Variants in CAP2 observed in about 807,000 individuals in gnomAD.
The protein encoded by CAP2 is adenylyl cyclase-associated protein 2.
CAP2 carries 24 observed loss-of-function variants against 57.7 expected under a neutral mutation model. The observed-to-expected ratio is 0.42, with a 90% CI of 0.30 to 0.58. CAP2 has a LOEUF of 0.58. Among genes scored for constraint, CAP2 ranks in the 20% least tolerant of loss-of-function variants. The pLI, the probability that CAP2 is intolerant of heterozygous loss-of-function variation, is 0.22. For missense variants in CAP2, 501 were observed against 590.3 expected, an observed-to-expected ratio of 0.85 and a Z score of 1.57; for synonymous variants, 194 against 207.2, an observed-to-expected ratio of 0.94 and a Z score of 0.55.
intron 4 of CAP2, among the ~76,000 whole-genome samples, chr6:17,474,856 G>A (rs1001724115): frequency 3.9e-5 from 6 of 152,102 alleles, no homozygotes; most frequent in East Asian, 1.9e-4. Context: ...CAAGTTTGAT[G>A]AGAAGAGAGG....
chr6:17,399,031 T>A (rs187149857), intron 1 of CAP2, among the ~76,000 whole-genome samples: 78 of 152,284 alleles, frequency 5.1e-4, no homozygotes, highest in Admixed American at 1.2e-3. Context: ...CTATTCTAAG[T>A]ACCTTATACA....
chr6:17,434,499 G>A (rs1466107787), intron 3 of CAP2, among the ~76,000 whole-genome samples: 3 of 152,140 alleles, frequency 2.0e-5, no homozygotes, highest in Admixed American at 6.5e-5. Flanking sequence ...AAAGTGCTGG[G>A]ATTACAGGCG....
At chr6:17,421,492 G>A in intron 1 of CAP2, 63 bp from the exon 2 acceptor site, 1 of 1,568,112 alleles carries the variant, frequency 6.4e-7, no homozygotes, top group Non-Finnish European at 8.8e-7. Context: ...GAGACTGATG[G>A]TGTTGGTTTA....
chr6:17,503,587 A>G (rs987385856), intron 4 of CAP2, among the ~76,000 whole-genome samples: 5 of 148,862 alleles, frequency 3.4e-5, no homozygotes, highest in African/African-American at 1.3e-4. Flanking sequence ...CTAGGCGACA[A>G]GAGCAAAACT....
chr6:17,400,864 CAAA>C (rs11323666), intron 1 of CAP2, among the ~76,000 whole-genome samples: 10 of 104,196 alleles, frequency 9.6e-5, no homozygotes, highest in African/African-American at 9.3e-5. Flanking sequence ...GACTCCGTCT[CAAA>C]AAAAAAAAAA....
chr6:17,508,987 C>T (rs992806876), intron 6 of CAP2, among the ~76,000 whole-genome samples: 26 of 152,124 alleles, frequency 1.7e-4, no homozygotes, highest in African/African-American at 6.0e-4. Flanking sequence ...AATCTCTTGA[C>T]CTCGTGATCC....
At chr6:17,543,961 T>C (rs1019380555) in intron 11 of CAP2, among the ~76,000 whole-genome samples, 2 of 151,700 alleles carry the variant, frequency 1.3e-5, no homozygotes, top group African/African-American at 4.8e-5. Context: ...CCTGTCTATA[T>C]TGAAAACACA....
In CAP2 at chr6:17,529,062, AT is replaced by A. The variant is rs1056931825; in HGVS notation, c.637-10200del. ...GAGACCCCATCTCTACAAAAAAAAA[AT>A]TTTTTTAATTCCAATAAATGATAAA... On this transcript the variant is annotated intron_variant, in intron 7 of 12. Transcript: ENST00000229922. Among the ~76,000 whole-genome samples the A allele has an allele frequency of 6.2e-5, 9 of 144,308 alleles. No individual in the cohort carries two copies. The South Asian group carries it at 1.1e-3, about 18-fold the overall frequency. 94.7% of individuals were successfully genotyped at this position (144,308 alleles called of 152,430 possible).
intron 4 of CAP2, among the ~76,000 whole-genome samples, chr6:17,496,030 G>GGGGGGT (rs1761659552): frequency 4.9e-5 from 2 of 41,182 alleles, no homozygotes; most frequent in African/African-American, 1.3e-4. Context: ...GTGTGGGTGG[G>GGGGGGT]GGGGGGGGGT....
chr6:17,478,507 C>T (rs187394969), intron 4 of CAP2, among the ~76,000 whole-genome samples: 15 of 152,072 alleles, frequency 9.9e-5, no homozygotes, highest in Non-Finnish European at 1.2e-4. Flanking sequence ...TATCCCTTTT[C>T]GTGTTGTTGT....
intron 3 of CAP2, among the ~76,000 whole-genome samples, chr6:17,458,357 A>G (rs1455180617): frequency 6.6e-6 from 1 of 152,238 alleles, no homozygotes; most frequent in Admixed American, 6.5e-5. Context: ...CAAGAGACTT[A>G]TATCTGTTGT....
intron 1 of CAP2, among the ~76,000 whole-genome samples, chr6:17,420,078 G>T (rs1581502249): frequency 6.6e-6 from 1 of 151,808 alleles, no homozygotes; most frequent in African/African-American, 2.4e-5. Flanking sequence ...CACCATGTAG[G>T]CCAGGCTGGT....
At chr6:17,551,676 A>G in intron 12 of CAP2, 72 bp downstream of exon 12, 6 of 1,178,338 alleles carry the variant, frequency 5.1e-6, no homozygotes, top group Non-Finnish European at 6.0e-6. Flanking sequence ...GAGATTGATT[A>G]ATCAGCTACC....
At chr6:17,446,899 A>G (rs1481281865) in intron 3 of CAP2, among the ~76,000 whole-genome samples, 1 of 152,222 alleles carries the variant, frequency 6.6e-6, no homozygotes, top group African/African-American at 2.4e-5. Flanking sequence ...CTGCCTGGGA[A>G]TCCACGGGGA....
intron 3 of CAP2, among the ~76,000 whole-genome samples, chr6:17,451,125 T>C (rs906375292): frequency 1.4e-4 from 22 of 152,034 alleles, no homozygotes; most frequent in African/African-American, 5.3e-4. Context: ...ATTAAATCTC[T>C]TGTCTTGAGG....
At chr6:17,469,582 T>C (rs1346660066) in intron 4 of CAP2, among the ~76,000 whole-genome samples, 1 of 152,156 alleles carries the variant, frequency 6.6e-6, no homozygotes, top group Non-Finnish European at 1.5e-5. Context: ...AGTTCTGTAT[T>C]CCTCCATAAG....
chr6:17,417,520 C>A (rs1759315235), intron 1 of CAP2, among the ~76,000 whole-genome samples: 1 of 152,138 alleles, frequency 6.6e-6, no homozygotes, highest in Non-Finnish European at 1.5e-5. Context: ...AGCGATCCAC[C>A]CGCCTCTGCC....
chr6:17,481,634 C>A (rs1761289276), intron 4 of CAP2, among the ~76,000 whole-genome samples: 1 of 152,158 alleles, frequency 6.6e-6, no homozygotes, highest in African/African-American at 2.4e-5. Context: ...CCTTATAAAT[C>A]TCTGTCTAGT....
chr6:17,410,758 A>G (rs1012895532), intron 1 of CAP2, among the ~76,000 whole-genome samples: 1 of 151,818 alleles, frequency 6.6e-6, no homozygotes, highest in Non-Finnish European at 1.5e-5. Context: ...ATGGGGTTTC[A>G]CTGTGTTAGC....
Sources: gnomAD v4.1 joint callset for allele counts (sites outside exome capture counted in the v4.1 genomes callset) on GRCh38, gnomAD v4.1.1 for gene constraint, MANE v1.5 for transcripts, NCBI Gene and HGNC (gene_info 2026-07-23, HGNC 2026-07-21) for gene names.